Variants in ELP1 observed in about 807,000 individuals in gnomAD.
The protein encoded by ELP1 is elongator complex protein 1.
ELP1 carries 131 observed loss-of-function variants against 183.2 expected under a neutral mutation model. The observed-to-expected ratio is 0.72, with a 90% CI of 0.62 to 0.83. ELP1 has a LOEUF of 0.83. Among genes scored for constraint, ELP1 ranks in the 40% least tolerant of loss-of-function variants. ELP1 has a pLI of 0.00. For missense variants in ELP1, 1,550 were observed against 1,594.9 expected (o/e 0.97, Z 0.48); for synonymous variants, 555 against 569.0 (o/e 0.98, Z 0.35).
chr9:108,932,997 A>G (rs1305463770), intron 1 of ELP1, among the ~76,000 whole-genome samples: 2 of 152,156 alleles, frequency 1.3e-5, no homozygotes, highest in African/African-American at 4.8e-5. Flanking sequence ...GCTAGACATC[A>G]CATGCATGAT....
At chr9:108,888,601 C>G (rs1295815009) in intron 29 of ELP1, among the ~76,000 whole-genome samples, 1 of 152,162 alleles carries the variant, frequency 6.6e-6, no homozygotes, top group Non-Finnish European at 1.5e-5. Flanking sequence ...TCAATTCAAT[C>G]ACCCAACAAA....
intron 33 of ELP1, among the ~76,000 whole-genome samples, 176 bp downstream of exon 33, chr9:108,879,270 T>C (rs1359885223): frequency 3.9e-5 from 6 of 152,198 alleles, no homozygotes; most frequent in Non-Finnish European, 8.8e-5. Context: ...AACCTTCCAA[T>C]GCCAAGTTTA....
At chr9:108,893,869 C>T (rs1019807580) in intron 26 of ELP1, 74 bp downstream of exon 26, 1 of 1,466,548 alleles carries the variant, frequency 6.8e-7, no homozygotes, top group African/African-American at 1.4e-5. Flanking sequence ...TCTAAACTAA[C>T]AGTTTAATTT....
At position 108,891,479 on chromosome 9, in the gene ELP1, T is replaced by C; in HGVS notation, c.2959-75A>G. The C allele has an allele frequency of 3.7e-6, 5 of 1,345,730 alleles. No individual in the cohort carries two copies. In the South Asian group the frequency reaches 5.9e-5, roughly 16 times the overall value. The allele number at this position is 1,345,730 out of a possible 1,614,324, so 83.4% of individuals were successfully genotyped here. On this transcript the variant is annotated intron_variant, in intron 27 of 36. Coordinates refer to ENST00000374647, the MANE Select transcript of ELP1 (RefSeq NM_003640.5). ...CTCTAAAGCTCCAGTGTAGCTGCCTTAGTTCCTATACTTGGAACTCCCTTG... is the reference window on the plus strand; with the variant it reads ...CTCTAAAGCTCCAGTGTAGCTGCCTCAGTTCCTATACTTGGAACTCCCTTG...
At chr9:108,878,325 G>GA (rs1827780095) in intron 34 of ELP1, among the ~76,000 whole-genome samples, 176 bp from the exon 35 acceptor site, 1 of 152,062 alleles carries the variant, frequency 6.6e-6, no homozygotes, top group Admixed American at 6.6e-5. Flanking sequence ...ACTACAAAAA[G>GA]AAAATCAAGC....
chr9:108,916,382 A>G (rs1829434905), intron 9 of ELP1, 85 bp from the exon 10 acceptor site: 1 of 1,070,814 alleles, frequency 9.3e-7, no homozygotes, highest in Non-Finnish European at 1.5e-6. Flanking sequence ...CCTCTCTCAA[A>G]TCAAATAATC....
Position 108,898,714 on chromosome 9 carries a change from T to C in ELP1, c.2240A>G (p.Lys747Arg). ...AATCAGATTGAGATTGATTCTCAGC[T>C]TTCTCATGCATTCAAATGCCTCTTT... ...MFKEAFECMR[K>R]LRINLNLIYD... The change falls in exon 21 of 37, where the codon AAG becomes AGG. Residue 747 changes from lysine (K) to arginine (R), a missense_variant. Lys to Arg is a conservative substitution (Grantham distance 26). Transcript: ENST00000374647. 5 of 1,612,908 alleles carry C rather than the reference T, an allele frequency of 3.1e-6. No homozygotes were observed. The highest frequency in any genetic ancestry group is 4.2e-6 in the Non-Finnish European group (5 of 1,179,364).
In ELP1 at chr9:108,877,999, G is replaced by A. The variant is rs1438249652; in HGVS notation, c.3851C>T (p.Thr1284Ile). The A allele has an allele frequency of 3.7e-6, 6 of 1,614,164 alleles. No homozygotes were observed. The highest frequency in any genetic ancestry group is 1.7e-5 in the Admixed American group (1 of 60,030). ...WTLTYQQNSA[T>I]PVLGPNSTAN... Reference sequence around the variant, plus strand: ...ACCGTCTCTGAGAAAACTTACCGGGGTAGCTGAATTCTGCTGGTAAGTAAG... The same window carrying A: ...ACCGTCTCTGAGAAAACTTACCGGGATAGCTGAATTCTGCTGGTAAGTAAG... Residue 1284 changes from threonine to isoleucine, a missense_variant, in exon 35 of 37, where the codon ACC becomes ATC. Coordinates refer to ENST00000374647, the MANE Select transcript of ELP1 (RefSeq NM_003640.5).
rs750906847 is a variant in ELP1 at position 108,901,501 on chromosome 9, T to C, written c.1938A>G (p.Val646=). Residue 646 remains valine (V), a synonymous_variant, in exon 18 of 37, where the codon GTA becomes GTG. Coordinates refer to ENST00000374647, the MANE Select transcript of ELP1 (RefSeq NM_003640.5). Reference sequence around the variant, plus strand: ...TTGTCAACAATAAAAACTCATCATATACTGCAAATGACGTGATATTTGACG... The same window carrying C: ...TTGTCAACAATAAAAACTCATCATACACTGCAAATGACGTGATATTTGACG... ...EVASNITSFA[V]YDEFLLLTTH... 4 of 1,613,992 alleles carry C rather than the reference T, an allele frequency of 2.5e-6. No individual in the cohort carries two copies. Among genetic ancestry groups the C allele is most frequent in the Non-Finnish European group, 3.4e-6 (4 of 1,179,966 alleles).
Position 108,919,261 on chromosome 9 carries a change from G to T in ELP1, c.641C>A (p.Pro214Gln). 1 of 1,610,564 alleles carries T rather than the reference G, an allele frequency of 6.2e-7. No individual in the cohort carries two copies. The highest frequency in any genetic ancestry group is 8.5e-7 in the Non-Finnish European group (1 of 1,177,160). Residue 214 changes from proline to glutamine, a missense_variant, in exon 7 of 37, where the codon CCA becomes CAA. Pro to Gln is a moderately conservative substitution (Grantham distance 76). Transcript: ENST00000374647. ...GCAATATATTTCCATACCTGTTTCT[G>T]GGCAAACAACACTCACAGCAAAAAA... is the stretch of plus-strand genomic sequence containing the variant. ...GQFFAVSVVC[P>Q]ETGARKVRVW... is the part of the protein sequence containing the mutation.
In ELP1 at chr9:108,913,958, A is replaced by G. The variant is rs146716858; in HGVS notation, c.959-1464T>C. On this transcript the variant is annotated intron_variant, in intron 10 of 36. Coordinates refer to ENST00000374647, the MANE Select transcript of ELP1 (RefSeq NM_003640.5). ...AATCACTTGGGGGCTTTTGGTTTTT[A>G]ATTAAATACTTACGTATAATCTCCA... 3.3e-3 allele frequency among the ~76,000 whole-genome samples: 497 copies of G among 152,300 alleles called. 1 individual carries two copies. Among genetic ancestry groups the G allele is most frequent in the African/African-American group, 0.011 (464 of 41,568 alleles).
rs1828593411 is a variant in ELP1 at position 108,897,267 on chromosome 9, C to G, written c.2382G>C (p.Lys794Asn). Residue 794 changes from lysine (K) to asparagine (N), a missense_variant, in exon 23 of 37, where the codon AAG becomes AAC. Coordinates refer to ENST00000374647, the MANE Select transcript of ELP1 (RefSeq NM_003640.5). Reference sequence around the variant, plus strand: ...TGGTAACTGGTGCAGGGTACATGGTCTTCGTGACATCTTCTTCTCTAAGAA... The same window carrying G: ...TGGTAACTGGTGCAGGGTACATGGTGTTCGTGACATCTTCTTCTCTAAGAA... ...FTELKEEDVT[K>N]TMYPAPVTSS... The G allele has an allele frequency of 6.2e-7, 1 of 1,614,086 alleles. No individual in the cohort carries two copies. The highest frequency in any genetic ancestry group is 8.5e-7 in the Non-Finnish European group (1 of 1,180,022).
At chr9:108,917,736 G>A in intron 8 of ELP1, 66 bp from the exon 9 acceptor site, 1 of 1,560,254 alleles carries the variant, frequency 6.4e-7, no homozygotes, top group Non-Finnish European at 8.8e-7. Flanking sequence ...ATAAAATCCA[G>A]AAGAGTTTTT....
chr9:108,914,419 G>A (rs1193698938), intron 10 of ELP1, among the ~76,000 whole-genome samples: 1 of 140,196 alleles, frequency 7.1e-6, no homozygotes, highest in East Asian at 2.3e-4. Context: ...AAAAAGGGGG[G>A]GGGGGTTCTA....
chr9:108,890,276 A>T (rs10979591), intron 28 of ELP1, among the ~76,000 whole-genome samples: 19,333 of 152,198 alleles, frequency 0.13, 2,299 homozygotes, highest in African/African-American at 0.31. Flanking sequence ...GATTTGGGAA[A>T]GGCTAATAAC....
intron 25 of ELP1, among the ~76,000 whole-genome samples, chr9:108,896,244 G>GA (rs1437181989): frequency 2.6e-5 from 4 of 152,062 alleles, no homozygotes. Flanking sequence ...GCGACTGAGT[G>GA]AGACTCCGTC....
intron 13 of ELP1, among the ~76,000 whole-genome samples, chr9:108,907,109 T>C (rs1005963514): frequency 2.6e-5 from 4 of 152,174 alleles, no homozygotes; most frequent in African/African-American, 9.7e-5. Context: ...ACTCAGGCTC[T>C]CCATTGCATT....
At position 108,898,792 on chromosome 9, in the gene ELP1, A is replaced by C. The variant is rs773504806; in HGVS notation, c.2205-43T>G. On this transcript the variant is annotated intron_variant, in intron 20 of 36. Transcript: ENST00000374647. ...AAGAATAGAAAAGATATTCACAAAA[A>C]CTGAGCTCCATGGGCCCAGCATATT... The C allele has an allele frequency of 5.8e-6, 8 of 1,375,742 alleles. No individual in the cohort carries two copies. The South Asian group carries it at 9.3e-5, about 16-fold the overall frequency. 85.2% of individuals were successfully genotyped at this position (1,375,742 alleles called of 1,614,324 possible).
rs984895242 is a variant in ELP1, at chr9:108,894,413, G to A, written c.2737-347C>T. Among the ~76,000 whole-genome samples, 13 of 152,268 alleles carry A rather than the reference G, an allele frequency of 8.5e-5. No individual in the cohort carries two copies. The South Asian group carries it at 1.2e-3, about 15-fold the overall frequency. On this transcript the variant is annotated intron_variant, in intron 25 of 36. Transcript: ENST00000374647. ...CACACTGATTGTGGATGCAGAAGCCGTGGACACAAAGGGCCAACTGTGTTT... is the reference window on the plus strand; with the variant it reads ...CACACTGATTGTGGATGCAGAAGCCATGGACACAAAGGGCCAACTGTGTTT...
Sources: gnomAD v4.1 joint callset for allele counts (sites outside exome capture counted in the v4.1 genomes callset) on GRCh38, gnomAD v4.1.1 for gene constraint, MANE v1.5 for transcripts, NCBI Gene and HGNC (gene_info 2026-07-23, HGNC 2026-07-21) for gene names.